Variants in LAMA5 observed in about 807,000 individuals in gnomAD.
LAMA5 encodes the protein laminin subunit alpha-5.
A neutral mutation model predicts 433.4 loss-of-function variants in LAMA5; 260 were observed. The observed-to-expected ratio is 0.60, with a 90% confidence interval of 0.54 to 0.66. The LOEUF (loss-of-function observed/expected upper bound fraction) is 0.66. Among genes scored for constraint, LAMA5 ranks in the 30% least tolerant of loss-of-function variants. The pLI, the probability that LAMA5 is intolerant of heterozygous loss-of-function variation, is 0.00. For synonymous variants in LAMA5, 2,620 were observed against 2,226.6 expected, an observed-to-expected ratio of 1.18 and a Z score of -4.97; for missense variants, 5,378 against 5,258.5, an observed-to-expected ratio of 1.02 and a Z score of -0.70.
Position 62,333,698 on chromosome 20 carries a change from G to A in LAMA5, c.2887C>T (p.Gln963Ter). 1 of 1,591,082 alleles carries A rather than the reference G, an allele frequency of 6.3e-7. No homozygotes were observed. The highest frequency in any genetic ancestry group is 1.1e-5 in the South Asian group (1 of 87,016). ...GGTGGGAAGGCCACGGGCTGACTCT[G>A]TGCTGTGCCTGGGCGGGGGCAGGGG... ...RSATCANCTA[Q>*]SQPVAFPPST... Residue 963 changes from glutamine to a stop codon, truncating the protein, a stop_gained, in exon 24 of 80, where the codon CAG becomes TAG. Coordinates refer to ENST00000252999, the MANE Select transcript of LAMA5 (RefSeq NM_005560.6). LOFTEE classifies it high-confidence loss of function.
Position 62,317,648 on chromosome 20 carries a change from G to C in LAMA5, c.7356+14C>G, listed in dbSNP as rs368286083. On this transcript the variant is annotated intron_variant, in intron 54 of 79. Transcript: ENST00000252999. ...GTGGATGGGGTGGCGACAGGGGCCA[G>C]GGGCTGCACTCACCTCCTTAGCCTG... 1 of 1,548,398 alleles carries C rather than the reference G, an allele frequency of 6.5e-7. No homozygotes were observed. Among genetic ancestry groups the C allele is most frequent in the Non-Finnish European group, 8.7e-7 (1 of 1,144,378 alleles).
chr20:62,315,151 T>C lies in LAMA5; in HGVS notation c.7924A>G (p.Thr2642Ala), dbSNP rs1401978969. 6.2e-7 allele frequency: 1 copy of C among 1,610,826 alleles called. No homozygotes were observed. Among genetic ancestry groups the C allele is most frequent in the South Asian group, 1.1e-5 (1 of 91,048 alleles). Residue 2642 changes from threonine to alanine, a missense_variant, in exon 59 of 80, where the codon ACC (threonine) becomes GCC (alanine). Physicochemically the swap from Thr to Ala is moderately conservative, Grantham distance 58. Transcript: ENST00000252999. ...AKAVAAEAQDTATRVQSQLQA... is the reference protein window; with the variant it reads ...AKAVAAEAQDAATRVQSQLQA... ...AGCTGGGACTGCACACGGGTGGCGG[T>C]GTCCTGGGCTTCAGCAGCCACAGCC... is the stretch of plus-strand genomic sequence containing the variant.
Position 62,327,338 on chromosome 20 carries a change from T to C in LAMA5, c.5007A>G (p.Pro1669=). The C allele has an allele frequency of 6.2e-7, 1 of 1,602,210 alleles. No individual in the cohort carries two copies. The highest frequency in any genetic ancestry group is 8.5e-7 in the Non-Finnish European group (1 of 1,174,412). ...GGTCTGCACGGAGCATCTCCGTCCC[T>C]GGCTGCCGCTCGTGGGGCACCACCT... is the stretch of plus-strand genomic sequence containing the variant. ...DRQVVPHERQ[P]GTEMLRADLR... is the part of the protein sequence containing the mutation. The change falls in exon 38 of 80, where the codon CCA becomes CCG. Residue 1669 remains proline, a synonymous_variant. Coordinates refer to ENST00000252999, the MANE Select transcript of LAMA5 (RefSeq NM_005560.6).
intron 58 of LAMA5, among the ~76,000 whole-genome samples, chr20:62,315,508 C>T (rs6089729): frequency 1.3e-5 from 2 of 151,952 alleles, no homozygotes; most frequent in South Asian, 2.1e-4. Flanking sequence ...GGGAACAGTC[C>T]GCAGCCACAG....
chr20:62,322,220 C>T, intron 47 of LAMA5, 49 bp downstream of exon 47: 1 of 1,542,566 alleles, frequency 6.5e-7, no homozygotes, highest in Non-Finnish European at 8.7e-7. Context: ...TTGGAGCGTA[C>T]CCCACTCAGA....
Position 62,312,237 on chromosome 20 carries a change from A to C in LAMA5, c.9440T>G (p.Val3147Gly). 6.2e-7 allele frequency: 1 copy of C among 1,611,122 alleles called. No individual in the cohort carries two copies. The highest frequency in any genetic ancestry group is 8.5e-7 in the Non-Finnish European group (1 of 1,179,430). ...LSNVAPLTGN[V>G]YSGFGFHSAQ... ...GCTGTGGAAGCCGAAGCCGGAGTAG[A>C]CGTTGCCAGTGAGCGGTGCCACGTT... is the stretch of plus-strand genomic sequence containing the variant. Residue 3147 changes from valine (V) to glycine (G), a missense_variant, in exon 69 of 80, where the codon GTC becomes GGC. Transcript: ENST00000252999.
At position 62,333,489 on chromosome 20, in the gene LAMA5, G is replaced by T. The variant is rs763339153; in HGVS notation, c.3022-8C>A. ...CAGCAGAACCACGTAGTCCTGCAGG[G>T]TGGAGGTGGTGCTGAGAGTGGTGGG... On this transcript the variant is annotated splice_region_variant and splice_polypyrimidine_tract_variant and intron_variant, in intron 24 of 79. Transcript: ENST00000252999. The T allele has an allele frequency of 6.2e-7, 1 of 1,608,646 alleles. No homozygotes were observed. The highest frequency in any genetic ancestry group is 2.2e-5 in the East Asian group (1 of 44,700).
In LAMA5 at chr20:62,329,222, T is replaced by C. The variant is rs1979881135; in HGVS notation, c.4151A>G (p.Tyr1384Cys). ...DYVLVVPENV[Y>C]SFGYLREEPL... Reference sequence around the variant, plus strand: ...CTCCTCCCGGAGGTAGCCAAAGCTGTAGACGTTCTCAGGGACCACGAGTAC... The same window carrying C: ...CTCCTCCCGGAGGTAGCCAAAGCTGCAGACGTTCTCAGGGACCACGAGTAC... Residue 1384 changes from tyrosine (Y) to cysteine (C), a missense_variant, in exon 33 of 80, where the codon TAC becomes TGC. Physicochemically the swap from Tyr to Cys is radical, Grantham distance 194. Transcript: ENST00000252999. 6.2e-7 allele frequency: 1 copy of C among 1,612,732 alleles called. No individual in the cohort carries two copies. The highest frequency in any genetic ancestry group is 2.2e-5 in the East Asian group (1 of 44,858).
At chr20:62,347,942 C>G (rs977402438) in intron 6 of LAMA5, among the ~76,000 whole-genome samples, 1 of 152,184 alleles carries the variant, frequency 6.6e-6, no homozygotes, top group African/African-American at 2.4e-5. Context: ...GCCATACCCT[C>G]AATGAGAGGA....
In LAMA5 at chr20:62,352,303, C is replaced by T. The variant is rs780589351; in HGVS notation, c.626G>A (p.Arg209Gln). 21 of 1,599,972 alleles carry T rather than the reference C, an allele frequency of 1.3e-5. No homozygotes were observed. Among genetic ancestry groups the T allele is most frequent in the Middle Eastern group, 1.6e-4 (1 of 6,082 alleles). The change falls in exon 4 of 80, where the codon CGG (arginine) becomes CAG (glutamine). Residue 209 changes from arginine to glutamine, a missense_variant. Arg to Gln is a conservative substitution (Grantham distance 43). Coordinates refer to ENST00000252999, the MANE Select transcript of LAMA5 (RefSeq NM_005560.6). ...FGPQTLERIT[R>Q]DDAAICTTEY... ...GGTGGTGCAGATGGCCGCGTCGTCC[C>T]GTGTGATGCGCTCCAGCGTCTGTGG...
At chr20:62,336,292 C>T in intron 18 of LAMA5, 48 bp downstream of exon 18, 1 of 1,360,568 alleles carries the variant, frequency 7.3e-7, no homozygotes, top group South Asian at 1.3e-5. Context: ...CTTGTGGGCA[C>T]AGTTCCCCAA....
In LAMA5 at chr20:62,313,763, T is replaced by A; in HGVS notation, c.8544A>T (p.Arg2848Ser). 2.5e-6 allele frequency: 4 copies of A among 1,612,766 alleles called. No individual in the cohort carries two copies. Among genetic ancestry groups the A allele is most frequent in the Non-Finnish European group, 1.7e-6 (2 of 1,179,942 alleles). ...CACCCTTGGTTTCCTGGATCATCTG[T>A]CTCTCCACTGTGACGGACATGTGGC... is the stretch of plus-strand genomic sequence containing the variant. The part of the protein sequence containing the change: ...QFGHMSVTVE[R>S]QMIQETKGDT... Residue 2848 changes from arginine to serine, a missense_variant, in exon 63 of 80, where the codon AGA becomes AGT. By Grantham distance (110) the Arg-to-Ser change is moderately radical. Coordinates refer to ENST00000252999, the MANE Select transcript of LAMA5 (RefSeq NM_005560.6).
intron 40 of LAMA5, chr20:62,326,365 CAA>C (rs1979296317): frequency 3.5e-6 from 1 of 287,808 alleles, no homozygotes; most frequent in South Asian, 1.2e-4. Context: ...ATTTGCAAGT[CAA>C]AGAGAAATGG....
Position 62,314,730 on chromosome 20 carries a change from G to A in LAMA5, c.8197-5C>T, listed in dbSNP as rs372385893. 1.2e-5 allele frequency: 19 copies of A among 1,612,304 alleles called. No individual in the cohort carries two copies. The highest frequency in any genetic ancestry group is 4.0e-5 in the African/African-American group (3 of 74,896). On this transcript the variant is annotated splice_polypyrimidine_tract_variant and splice_region_variant and intron_variant, in intron 60 of 79. Coordinates refer to ENST00000252999, the MANE Select transcript of LAMA5 (RefSeq NM_005560.6). ...GAACTTCATGGGCACCTTGACCTGC[G>A]GGGCACGGTCCATCAGCGTCCACCA...
In LAMA5 at chr20:62,310,160, CA is replaced by C; in HGVS notation, c.10734+17del. ...GGAGGCAAACCCTGCCCTGGCACGC[CA>C]CCTCTGCCAGGCTTACTTGCTTCTC... On this transcript the variant is annotated intron_variant, in intron 77 of 79. Transcript: ENST00000252999. 1 of 1,612,124 alleles carries C rather than the reference CA, an allele frequency of 6.2e-7. No individual in the cohort carries two copies.
At position 62,367,267 on chromosome 20, in the gene LAMA5, C is replaced by T; in HGVS notation, c.-22G>A. Reference sequence around the variant, plus strand: ...CCATCTTCCCGGCTCCGGGCCGCGTCCCCGAGCTCCAGGGACAGCGCGCGC... The same window carrying T: ...CCATCTTCCCGGCTCCGGGCCGCGTTCCCGAGCTCCAGGGACAGCGCGCGC... On this transcript the variant is annotated 5_prime_UTR_variant, in exon 1 of 80. Coordinates refer to ENST00000252999, the MANE Select transcript of LAMA5 (RefSeq NM_005560.6). 8.6e-7 allele frequency: 1 copy of T among 1,156,438 alleles called. No individual in the cohort carries two copies. Among genetic ancestry groups the T allele is most frequent in the Non-Finnish European group, 1.1e-6 (1 of 940,782 alleles). The allele number at this position is 1,156,438 out of a possible 1,614,324, so 71.6% of individuals were successfully genotyped here.
chr20:62,366,991 T>A lies in LAMA5; in HGVS notation c.255A>T (p.Val85=). 1 of 1,278,910 alleles carries A rather than the reference T, an allele frequency of 7.8e-7. No homozygotes were observed. Among genetic ancestry groups the A allele is most frequent in the Non-Finnish European group, 9.9e-7 (1 of 1,013,494 alleles). 79.2% of individuals were successfully genotyped at this position (1,278,910 alleles called of 1,614,324 possible). The part of the protein sequence containing the change: ...RPTEDLYCKL[V]GGPVAGGDPN... Reference sequence around the variant, plus strand: ...GGTCGCCGCCGGCCACGGGGCCCCCTACCAGCTTGCAGTAAAGGTCCTCGG... The same window carrying A: ...GGTCGCCGCCGGCCACGGGGCCCCCAACCAGCTTGCAGTAAAGGTCCTCGG... The change falls in exon 1 of 80, where the codon GTA becomes GTT. Residue 85 remains valine, a synonymous_variant. Coordinates refer to ENST00000252999, the MANE Select transcript of LAMA5 (RefSeq NM_005560.6).
In LAMA5 at chr20:62,323,335, G is replaced by A. The variant is rs574044224; in HGVS notation, c.6064+121C>T. 15 of 839,984 alleles carry A rather than the reference G, an allele frequency of 1.8e-5. 1 individual carries two copies. Among genetic ancestry groups the A allele is most frequent in the African/African-American group, 3.4e-5 (2 of 58,044 alleles). 52.0% of individuals were successfully genotyped at this position (839,984 alleles called of 1,614,324 possible). Reference sequence around the variant, plus strand: ...ACCATGAACCCAGAAGGCTGGCTCCGACTTGTCCTGGCTGGGCCCCAGCAT... The same window carrying A: ...ACCATGAACCCAGAAGGCTGGCTCCAACTTGTCCTGGCTGGGCCCCAGCAT... On this transcript the variant is annotated intron_variant, in intron 45 of 79. Coordinates refer to ENST00000252999, the MANE Select transcript of LAMA5 (RefSeq NM_005560.6).
chr20:62,334,662 C>CA, intron 20 of LAMA5, 41 bp from the exon 21 acceptor site: 2 of 1,507,332 alleles, frequency 1.3e-6, no homozygotes, highest in Non-Finnish European at 1.8e-6. Flanking sequence ...GCCTGGCCCC[C>CA]ACCCAGCCTC....
Sources: gnomAD v4.1 joint callset for allele counts (sites outside exome capture counted in the v4.1 genomes callset) on GRCh38, gnomAD v4.1.1 for gene constraint, MANE v1.5 for transcripts, NCBI Gene and HGNC (gene_info 2026-07-23, HGNC 2026-07-21) for gene names.